The following ITGB1 variants were observed in gnomAD, a reference collection of about 807,000 sequenced individuals.
ITGB1 encodes integrin subunit beta 1.
ITGB1 carries 24 observed loss-of-function variants against 86.5 expected under a neutral mutation model. The ratio of observed to expected loss-of-function variants is 0.28; its 90% CI spans 0.20 to 0.39. The LOEUF is 0.39. ITGB1 is among the 10% of genes least tolerant of loss of function. The pLI, the probability that ITGB1 is intolerant of heterozygous loss-of-function variation, is 1.00. For missense variants in ITGB1, 556 were observed against 946.9 expected (o/e 0.59, Z 5.42); for synonymous variants, 323 against 316.8 (o/e 1.02, Z -0.21).
At chr10:32,912,808 G>C (rs991341871) in intron 11 of ITGB1, among the ~76,000 whole-genome samples, 1 of 152,224 alleles carries the variant, frequency 6.6e-6, no homozygotes, top group Non-Finnish European at 1.5e-5. Flanking sequence ...GCTTTGAAGA[G>C]AGTAGTGGTT....
intron 5 of ITGB1, among the ~76,000 whole-genome samples, chr10:32,927,262 A>G (rs1194667204): frequency 6.6e-6 from 1 of 152,188 alleles, no homozygotes; most frequent in African/African-American, 2.4e-5. Flanking sequence ...AGGCCTCATA[A>G]CTGTCAAATC....
At chr10:32,952,064 T>C (rs537098033) in intron 1 of ITGB1, among the ~76,000 whole-genome samples, 2 of 152,316 alleles carry the variant, frequency 1.3e-5, no homozygotes, top group Non-Finnish European at 2.9e-5. Context: ...GCATACAGTA[T>C]TTTAAATACA....
chr10:32,914,408 T>C (rs1291291727), intron 11 of ITGB1, among the ~76,000 whole-genome samples: 2 of 152,136 alleles, frequency 1.3e-5, no homozygotes, highest in Non-Finnish European at 2.9e-5. Context: ...GTGTGCTGTA[T>C]TCAGGAGACC....
intron 15 of ITGB1, among the ~76,000 whole-genome samples, chr10:32,905,892 C>T (rs2094894951): frequency 6.6e-6 from 1 of 152,156 alleles, no homozygotes; most frequent in Admixed American, 6.5e-5. Context: ...AGTTCTCAAC[C>T]ACCAGTCAGG....
intron 1 of ITGB1, among the ~76,000 whole-genome samples, chr10:32,952,485 A>C (rs1208208664): frequency 6.6e-6 from 1 of 152,112 alleles, no homozygotes; most frequent in Non-Finnish European, 1.5e-5. Context: ...CCACCCCTTT[A>C]AAAGAAGCAC....
intron 11 of ITGB1, among the ~76,000 whole-genome samples, chr10:32,917,154 A>T (rs1329008267): frequency 6.6e-6 from 1 of 152,210 alleles, no homozygotes; most frequent in African/African-American, 2.4e-5. Flanking sequence ...GAAAGCTGAA[A>T]CTGGATCCCT....
chr10:32,924,393 T>C (rs753243421), intron 6 of ITGB1, among the ~76,000 whole-genome samples: 4 of 152,238 alleles, frequency 2.6e-5, no homozygotes, highest in African/African-American at 4.8e-5. Flanking sequence ...TTTATAATTA[T>C]AAAATCATAG....
chr10:32,911,628 T>C lies in ITGB1; in HGVS notation c.1751A>G (p.Asn584Ser), dbSNP rs1016123180. ...ACAGTCACATGCACTGCCAGTGTAG[T>C]TGGGGTTGCACTCACACACACGACA... ...CKCRVCECNP[N>S]YTGSACDCSL... Residue 584 changes from asparagine (N) to serine (S), a missense_variant, in exon 13 of 16, where the codon AAC becomes AGC. Asn to Ser is a conservative substitution (Grantham distance 46, BLOSUM62 1). Transcript: ENST00000302278. The C allele has an allele frequency of 5.0e-6, 8 of 1,614,048 alleles. No individual in the cohort carries two copies. The Admixed American group carries it at 5.0e-5, about 10-fold the overall frequency.
chr10:32,951,195 G>A (rs530481182), intron 1 of ITGB1, among the ~76,000 whole-genome samples: 1 of 152,034 alleles, frequency 6.6e-6, no homozygotes, highest in Non-Finnish European at 1.5e-5. Context: ...ATCTCAAATA[G>A]ATCTTGACAG....
intron 4 of ITGB1, among the ~76,000 whole-genome samples, chr10:32,929,223 G>T (rs148499132): frequency 6.7e-6 from 1 of 148,360 alleles, no homozygotes; most frequent in Non-Finnish European, 1.5e-5. Context: ...TCCTGACAAG[G>T]GTCCCCTGGG....
intron 1 of ITGB1, chr10:32,945,084 C>A (rs753244501): frequency 4.0e-5 from 18 of 452,698 alleles, no homozygotes; most frequent in Non-Finnish European, 7.0e-5. Flanking sequence ...AGACCTCCAG[C>A]ATGTATGAAT....
chr10:32,944,254 C>A (rs951155795), intron 1 of ITGB1, among the ~76,000 whole-genome samples: 10 of 152,214 alleles, frequency 6.6e-5, no homozygotes, highest in East Asian at 1.9e-4. Flanking sequence ...ACTGCTAGAC[C>A]AGAGTTCAGG....
chr10:32,953,250 T>C (rs1395559148), intron 1 of ITGB1, among the ~76,000 whole-genome samples: 1 of 152,232 alleles, frequency 6.6e-6, no homozygotes, highest in Admixed American at 6.5e-5. Context: ...CAGTATTTTA[T>C]GGTACAGTAC....
At chr10:32,914,753 C>CA (rs1386197935) in intron 11 of ITGB1, among the ~76,000 whole-genome samples, 1 of 151,938 alleles carries the variant, frequency 6.6e-6, no homozygotes, top group African/African-American at 2.4e-5. Flanking sequence ...TTAGACAGAC[C>CA]AACGAGACAG....
intron 4 of ITGB1, among the ~76,000 whole-genome samples, chr10:32,929,044 C>CT (rs2094974655): frequency 6.6e-6 from 1 of 151,964 alleles, no homozygotes; most frequent in South Asian, 2.1e-4. Flanking sequence ...GAGAGGAAAA[C>CT]TGACATTTAG....
intron 4 of ITGB1, among the ~76,000 whole-genome samples, chr10:32,929,142 G>A (rs2094974948): frequency 6.6e-6 from 1 of 152,136 alleles, no homozygotes; most frequent in Non-Finnish European, 1.5e-5. Context: ...CCGAGGAGTG[G>A]TATCATTGAT....
intron 11 of ITGB1, among the ~76,000 whole-genome samples, chr10:32,916,858 A>T (rs1037181578): frequency 3.9e-5 from 6 of 152,180 alleles, no homozygotes; most frequent in Non-Finnish European, 5.9e-5. Flanking sequence ...GTTCATATGG[A>T]ACCAAAAAAG....
At position 32,951,203 on chromosome 10, in the gene ITGB1, C is replaced by A. The variant is rs1459262180; in HGVS notation, c.-1+6942G>T. Reference sequence around the variant, plus strand: ...TCAGAAAATCTCAAATAGATCTTGACAGTGATCAAAGAGCAAAACCACAAA... The same window carrying A: ...TCAGAAAATCTCAAATAGATCTTGAAAGTGATCAAAGAGCAAAACCACAAA... On this transcript the variant is annotated intron_variant, in intron 1 of 15. Coordinates refer to ENST00000302278, the MANE Select transcript of ITGB1 (RefSeq NM_002211.4). Among the ~76,000 whole-genome samples, 4 of 152,174 alleles carry A rather than the reference C, an allele frequency of 2.6e-5. No individual in the cohort carries two copies. The East Asian group carries it at 5.8e-4, about 22-fold the overall frequency.
At position 32,920,030 on chromosome 10, in the gene ITGB1, T is replaced by C; in HGVS notation, c.1324A>G (p.Ser442Gly). Residue 442 changes from serine (S) to glycine (G), a missense_variant, in exon 11 of 16, where the codon AGC becomes GGC. By Grantham distance (56) the Ser-to-Gly change is moderately conservative. Coordinates refer to ENST00000302278, the MANE Select transcript of ITGB1 (RefSeq NM_002211.4). ...AAGCCCAGAGGCCTAATTTTAAAGC[T>C]GTCAGAATCCTTTTTTGGACACTTA... is the stretch of plus-strand genomic sequence containing the variant. ...SNKCPKKDSD[S>G]FKIRPLGFTE... 6.2e-7 allele frequency: 1 copy of C among 1,614,146 alleles called. No homozygotes were observed. Among genetic ancestry groups the C allele is most frequent in the Non-Finnish European group, 8.5e-7 (1 of 1,179,972 alleles).
Sources: gnomAD v4.1 joint callset for allele counts (sites outside exome capture counted in the v4.1 genomes callset) on GRCh38, gnomAD v4.1.1 for gene constraint, MANE v1.5 for transcripts, NCBI Gene and HGNC (gene_info 2026-07-23, HGNC 2026-07-21) for gene names.